Variants in C12orf50 observed in about 807,000 individuals in gnomAD.
The protein encoded by C12orf50 is zinc finger CCCH-type containing 11D, also known as uncharacterized protein C12orf50.
Under a neutral mutation model 61.6 loss-of-function variants are expected in C12orf50, and 35 were observed. The ratio of observed to expected loss-of-function variants is 0.57; its 90% CI spans 0.43 to 0.75. The LOEUF (loss-of-function observed/expected upper bound fraction) is 0.75. C12orf50 is among the 30% of genes least tolerant of loss of function. The pLI is 0.00. For synonymous variants in C12orf50, 178 were observed against 161.5 expected, an observed-to-expected ratio of 1.10 and a Z score of -0.77; for missense variants, 475 against 488.5, an observed-to-expected ratio of 0.97 and a Z score of 0.26.
chr12:88,025,379 C>T (rs1464185969), intron 3 of C12orf50, among the ~76,000 whole-genome samples: 10 of 151,878 alleles, frequency 6.6e-5, no homozygotes, highest in South Asian at 2.1e-4. Flanking sequence ...TTTCTCAGTT[C>T]GTAAGACATA....
chr12:87,994,541 C>CA, intron 7 of C12orf50, 92 bp downstream of exon 7: 2 of 1,023,470 alleles, frequency 2.0e-6, no homozygotes, highest in Non-Finnish European at 2.9e-6. Context: ...ATGACATGGA[C>CA]AAAAAAAGAA....
rs533819693 is a variant in C12orf50, at chr12:88,021,828, T to C, written c.133+4660A>G. On this transcript the variant is annotated intron_variant, in intron 3 of 12. Transcript: ENST00000298699. The stretch of plus-strand genomic sequence containing the variant: ...ATCCCTGAAGAGACCAATACTGAGT[T>C]CTATAACTGTATAAGTAAGAAAAAG... Among the ~76,000 whole-genome samples the C allele has an allele frequency of 7.9e-5, 12 of 151,994 alleles. No homozygotes were observed. In the East Asian group the frequency reaches 2.1e-3, roughly 27 times the overall value.
At chr12:88,013,551 G>A (rs1322591197) in intron 3 of C12orf50, among the ~76,000 whole-genome samples, 1 of 152,162 alleles carries the variant, frequency 6.6e-6, no homozygotes, top group African/African-American at 2.4e-5. Context: ...TAGCAATGAA[G>A]TGTGAGGATA....
At chr12:87,997,735 C>T (rs996943918) in intron 4 of C12orf50, among the ~76,000 whole-genome samples, 4 of 152,160 alleles carry the variant, frequency 2.6e-5, no homozygotes, top group Non-Finnish European at 5.9e-5. Context: ...CTGCAAAGGA[C>T]ATGAACTCAT....
At position 87,994,638 on chromosome 12, in the gene C12orf50, T is replaced by C; in HGVS notation, c.587A>G (p.Asn196Ser). 1.2e-6 allele frequency: 2 copies of C among 1,604,144 alleles called. No homozygotes were observed. The highest frequency in any genetic ancestry group is 1.7e-6 in the Non-Finnish European group (2 of 1,171,424). Residue 196 changes from asparagine to serine, a missense_variant, in exon 7 of 13, where the codon AAT becomes AGT. Transcript: ENST00000298699. ...KPKTDIAAFE[N>S]GGGDCYVPQR... is the part of the protein sequence containing the mutation. ...TCAGTAATAAATTAACTCACCTCCA[T>C]TTTCAAAAGCAGCAATGTCAGTCTT...
At chr12:88,010,210 A>G (rs2032043996) in intron 3 of C12orf50, among the ~76,000 whole-genome samples, 1 of 151,962 alleles carries the variant, frequency 6.6e-6, no homozygotes. Flanking sequence ...AGACTGTCCT[A>G]ATCTCTATCA....
intron 3 of C12orf50, among the ~76,000 whole-genome samples, chr12:88,000,788 G>T (rs989571484): frequency 2.6e-5 from 4 of 151,294 alleles, no homozygotes; most frequent in Non-Finnish European, 5.9e-5. Context: ...TTTCCTCTTT[G>T]ATGCTATTGT....
In C12orf50 at chr12:87,985,868, T is replaced by A; in HGVS notation, c.1108A>T (p.Lys370Ter). 8.7e-6 allele frequency: 14 copies of A among 1,612,916 alleles called. No homozygotes were observed. The highest frequency in any genetic ancestry group is 1.1e-5 in the Non-Finnish European group (13 of 1,179,816). ...ACCTCACCTGGACTGAGGTTGGGTT[T>A]GGGTTCCCTGTTAGCATGGACTTTA... Reference protein sequence around the residue: ...YNKVHANREPKPNLSPDKYTS... With the variant: ...YNKVHANREP Residue 370 changes from lysine (K) to a stop codon, truncating the protein, a stop_gained, in exon 11 of 13, where the codon AAA becomes TAA. Coordinates refer to ENST00000298699, the MANE Select transcript of C12orf50 (RefSeq NM_152589.3). LOFTEE classifies it high-confidence loss of function.
chr12:88,018,441 A>T (rs959285595), intron 3 of C12orf50, among the ~76,000 whole-genome samples: 1 of 152,248 alleles, frequency 6.6e-6, no homozygotes, highest in Non-Finnish European at 1.5e-5. Flanking sequence ...TTGCAGGGGC[A>T]GGGCCCTCAT....
chr12:88,028,764 T>C (rs1191865460), intron 1 of C12orf50, among the ~76,000 whole-genome samples: 1 of 152,152 alleles, frequency 6.6e-6, no homozygotes, highest in African/African-American at 2.4e-5. Context: ...AGGAATTTAA[T>C]GTCTCAAGGT....
rs76286906 is a variant in C12orf50, at chr12:87,993,588, G to A, written c.592+1045C>T. On this transcript the variant is annotated intron_variant, in intron 7 of 12. Coordinates refer to ENST00000298699, the MANE Select transcript of C12orf50 (RefSeq NM_152589.3). ...CTTAGCACCAAAAAAAAAGGGCAGTGGGGGGCACACAGAAGAAAATGGCTG... is the reference window on the plus strand; with the variant it reads ...CTTAGCACCAAAAAAAAAGGGCAGTAGGGGGCACACAGAAGAAAATGGCTG... Among the ~76,000 whole-genome samples the A allele has an allele frequency of 3.3e-3, 500 of 152,176 alleles. 2 individuals carry two copies. Among genetic ancestry groups the A allele is most frequent in the Non-Finnish European group, 5.1e-3 (345 of 68,000 alleles).
chr12:88,019,079 AGG>A (rs1308650832), intron 3 of C12orf50, among the ~76,000 whole-genome samples: 5 of 152,094 alleles, frequency 3.3e-5, no homozygotes, highest in African/African-American at 1.2e-4. Context: ...GGGAGGGGCC[AGG>A]GATGGAATGA....
chr12:87,980,534 CTAT>C (rs1411030160), intron 12 of C12orf50, among the ~76,000 whole-genome samples, 178 bp from the exon 13 acceptor site: 1 of 152,040 alleles, frequency 6.6e-6, no homozygotes, highest in Non-Finnish European at 1.5e-5. Flanking sequence ...TTGATTCTTA[CTAT>C]GTTTTGCATT....
intron 3 of C12orf50, among the ~76,000 whole-genome samples, chr12:88,006,712 G>C (rs1192417743): frequency 6.6e-6 from 1 of 152,166 alleles, no homozygotes; most frequent in Non-Finnish European, 1.5e-5. Flanking sequence ...CTGAAAAATA[G>C]AGCTCTAGCA....
At chr12:88,005,893 A>G (rs1250055920) in intron 3 of C12orf50, among the ~76,000 whole-genome samples, 2 of 104,162 alleles carry the variant, frequency 1.9e-5, no homozygotes, top group Admixed American at 1.1e-4. Flanking sequence ...ACAAAGGACT[A>G]TGTTTTTTTG....
In C12orf50 at chr12:87,986,036, G is replaced by T. The variant is rs1280383480; in HGVS notation, c.940C>A (p.Pro314Thr). 6.2e-7 allele frequency: 1 copy of T among 1,613,710 alleles called. No individual in the cohort carries two copies. Among genetic ancestry groups the T allele is most frequent in the Non-Finnish European group, 8.5e-7 (1 of 1,179,782 alleles). Residue 314 changes from proline (P) to threonine (T), a missense_variant, in exon 11 of 13, where the codon CCC (proline) becomes ACC (threonine). Pro to Thr is a conservative substitution (Grantham distance 38, BLOSUM62 -1). Transcript: ENST00000298699. ...CGGTGATAACTCATTTTATTTTGGG[G>T]TCTTGGGGCCTGTACTGCTGTAAAG... ...GMQRAVQAPRPQNKMSYHRNN... is the reference protein window; with the variant it reads ...GMQRAVQAPRTQNKMSYHRNN...
At chr12:88,010,761 T>C (rs1315984123) in intron 3 of C12orf50, among the ~76,000 whole-genome samples, 1 of 151,872 alleles carries the variant, frequency 6.6e-6, no homozygotes, top group African/African-American at 2.4e-5. Flanking sequence ...AGAGCACATA[T>C]AGTTAACAGA....
chr12:88,006,138 G>A (rs1032824372), intron 3 of C12orf50, among the ~76,000 whole-genome samples: 2 of 151,866 alleles, frequency 1.3e-5, no homozygotes, highest in Non-Finnish European at 2.9e-5. Flanking sequence ...GGATGGTCTC[G>A]ATCTCCTGAC....
rs146263898 is a variant in C12orf50, at chr12:88,016,669, G to A, written c.133+9819C>T. On this transcript the variant is annotated intron_variant, in intron 3 of 12. Coordinates refer to ENST00000298699, the MANE Select transcript of C12orf50 (RefSeq NM_152589.3). ...AAATAAATGCTGTTCATGGATTCCC[G>A]GAGTAGAACTGGCCACTATGTGAGA... Among the ~76,000 whole-genome samples the A allele has an allele frequency of 3.5e-4, 54 of 152,270 alleles. 1 individual carries two copies. The highest frequency in any genetic ancestry group is 1.2e-3 in the African/African-American group (51 of 41,566).
Sources: gnomAD v4.1 joint callset for allele counts (sites outside exome capture counted in the v4.1 genomes callset) on GRCh38, gnomAD v4.1.1 for gene constraint, MANE v1.5 for transcripts, NCBI Gene and HGNC (gene_info 2026-07-23, HGNC 2026-07-21) for gene names.